Variants in BLTP1 observed in about 807,000 individuals in gnomAD.
The protein encoded by BLTP1 is bridge-like lipid transfer protein family member 1.
the BLTP1 span, chr4:122,248,082 G>A: frequency 1.0e-6 from 1 of 985,128 alleles, no homozygotes; most frequent in South Asian, 4.7e-5. Context: ...ATTCCTGTCT[G>A]CATTCTGGGT....
At chr4:122,241,666 T>C in the BLTP1 span, among the ~76,000 whole-genome samples, 2 of 152,176 alleles carry the variant, frequency 1.3e-5, no homozygotes, top group African/African-American at 2.4e-5. Context: ...TTAGTGAAAG[T>C]TGCAAAATTT....
the BLTP1 span, among the ~76,000 whole-genome samples, chr4:122,232,588 C>T: frequency 6.6e-6 from 1 of 151,956 alleles, no homozygotes; most frequent in African/African-American, 2.4e-5. Context: ...GCCTGGGCAA[C>T]AGAGTGAGAC....
chr4:122,207,772 A>T, the BLTP1 span: 1 of 1,013,588 alleles, frequency 9.9e-7, no homozygotes, highest in Non-Finnish European at 1.3e-6. Flanking sequence ...AATGTCTACT[A>T]CCTTTAGTGT....
At chr4:122,198,329 C>T in the BLTP1 span, 38 of 985,116 alleles carry the variant, frequency 3.9e-5, no homozygotes, top group Middle Eastern at 5.2e-4. Flanking sequence ...ATTCAGAGTA[C>T]GCAGTTCGAA....
chr4:122,340,932 C>T, the BLTP1 span: 1 of 721,542 alleles, frequency 1.4e-6, no homozygotes, highest in African/African-American at 1.9e-5. Context: ...GTAGTGATAC[C>T]ATATTTTTCC....
chr4:122,229,337 CACAG>C, the BLTP1 span: 1 of 875,374 alleles, frequency 1.1e-6, no homozygotes. Flanking sequence ...TTTGTCATCT[CACAG>C]ACAGCCACAA....
At chr4:122,282,649 A>G in the BLTP1 span, among the ~76,000 whole-genome samples, 1 of 152,128 alleles carries the variant, frequency 6.6e-6, no homozygotes, top group Non-Finnish European at 1.5e-5. Context: ...CTCAAAAAAA[A>G]AGGCAGTCTT....
the BLTP1 span, chr4:122,185,187 A>G: frequency 1.0e-6 from 1 of 983,048 alleles, no homozygotes; most frequent in Non-Finnish European, 1.2e-6. Flanking sequence ...TTTTCAACCA[A>G]GTGATGATAA....
At chr4:122,252,154 AG>A in the BLTP1 span, among the ~76,000 whole-genome samples, 5 of 152,314 alleles carry the variant, frequency 3.3e-5, no homozygotes, top group East Asian at 9.6e-4. Context: ...AGCAGTACCC[AG>A]GTAGCATATC....
the BLTP1 span, among the ~76,000 whole-genome samples, chr4:122,188,683 C>T: frequency 3.0e-4 from 45 of 151,546 alleles, no homozygotes; most frequent in African/African-American, 1.1e-3. Context: ...ACACTAGACT[C>T]AGTGTGATGG....
the BLTP1 span, chr4:122,172,950 T>C: frequency 1.3e-6 from 2 of 1,579,660 alleles, no homozygotes; most frequent in Middle Eastern, 1.7e-4. Context: ...ACCTCTGGTT[T>C]TAAAATTCCA....
At chr4:122,349,686 C>A in the BLTP1 span, 1 of 1,564,188 alleles carries the variant, frequency 6.4e-7, no homozygotes, top group African/African-American at 1.4e-5. This position sits in a 1 kb window ranked among gnomAD's most constrained non-coding sequence, Gnocchi z 4.5. Flanking sequence ...CATGACTGTT[C>A]TCAACATATT....
the BLTP1 span, among the ~76,000 whole-genome samples, chr4:122,360,873 A>G: frequency 6.6e-6 from 1 of 152,266 alleles, no homozygotes; most frequent in East Asian, 1.9e-4. Context: ...GCATAAAAAT[A>G]GTTACCATAT....
At chr4:122,358,723 A>G in the BLTP1 span, among the ~76,000 whole-genome samples, 1 of 152,164 alleles carries the variant, frequency 6.6e-6, no homozygotes, top group Non-Finnish European at 1.5e-5. Flanking sequence ...GAGCTATATA[A>G]CACATATTAC....
the BLTP1 span, chr4:122,173,017 A>T: frequency 3.7e-6 from 6 of 1,611,928 alleles, no homozygotes; most frequent in South Asian, 5.5e-5. Context: ...ATTATTTCTG[A>T]TTTTTTTCCT....
chr4:122,301,416 T>C, the BLTP1 span: 1 of 1,451,426 alleles, frequency 6.9e-7, no homozygotes, highest in Non-Finnish European at 9.3e-7. Flanking sequence ...AATATAATGA[T>C]ACTTTTATAA....
chr4:122,212,139 C>G, the BLTP1 span: 4 of 845,474 alleles, frequency 4.7e-6, no homozygotes, highest in African/African-American at 7.3e-5. Flanking sequence ...TAAAGGCTCT[C>G]TGCAGGAAGT....
At chr4:122,301,440 CAATT>C in the BLTP1 span, 9 of 1,175,720 alleles carry the variant, frequency 7.7e-6, no homozygotes, top group Non-Finnish European at 1.1e-5. Flanking sequence ...TTTTTCTAAT[CAATT>C]AATATATGCT....
At chr4:122,331,743 G>A in the BLTP1 span, 2 of 980,456 alleles carry the variant, frequency 2.0e-6, no homozygotes, top group Non-Finnish European at 2.4e-6. Context: ...ACTAGAAATG[G>A]ATGTCTGACT....
Sources: allele counts gnomAD v4.1 joint callset (sites outside exome capture counted in the v4.1 genomes callset), GRCh38; gene constraint gnomAD v4.1.1; non-coding constraint Gnocchi (gnomAD v3.1); transcripts MANE v1.5; gene names NCBI Gene and HGNC (gene_info 2026-07-23, HGNC 2026-07-21).